Variants in EVI5 observed in about 807,000 individuals in gnomAD.
The protein encoded by EVI5 is ecotropic viral integration site 5 protein homolog.
EVI5 carries 73 observed loss-of-function variants against 112.0 expected under a neutral mutation model. That is an observed-to-expected ratio of 0.65 (90% CI 0.54 to 0.79). The LOEUF is 0.79. Ranked by LOEUF, EVI5 falls within the 30% of genes least tolerant of loss-of-function variation. EVI5 has a pLI of 0.00. For synonymous variants in EVI5, 305 were observed against 319.9 expected (o/e 0.95, Z 0.50); for missense variants, 900 against 968.8 (o/e 0.93, Z 0.94).
At chr1:92,558,087 A>T (rs183354274) in intron 19 of EVI5, among the ~76,000 whole-genome samples, 9 of 152,192 alleles carry the variant, frequency 5.9e-5, no homozygotes, top group Non-Finnish European at 1.3e-4. Context: ...AGGGAAGTTT[A>T]AAATCTGATT....
intron 9 of EVI5, among the ~76,000 whole-genome samples, chr1:92,686,679 T>G (rs1668584080): frequency 6.6e-6 from 1 of 152,218 alleles, no homozygotes; most frequent in Non-Finnish European, 1.5e-5. Flanking sequence ...CTTAAGCTGA[T>G]AAACAACTTC....
rs114225081 is a variant in EVI5, at chr1:92,562,588, A to G, written c.2166+1054T>C. On this transcript the variant is annotated intron_variant, in intron 19 of 19. Coordinates refer to ENST00000684568, the MANE Select transcript of EVI5 (RefSeq NM_001350197.2). ...GTAAAGATTATATGTAAGATCCTGA[A>G]TCCCTCATATGTTATCATGGCTGAA... Among the ~76,000 whole-genome samples the G allele has an allele frequency of 1.9e-3, 296 of 152,308 alleles. 1 individual carries two copies. Among genetic ancestry groups the G allele is most frequent in the Non-Finnish European group, 3.9e-3 (265 of 68,016 alleles).
At chr1:92,755,247 A>G (rs950000601) in intron 1 of EVI5, among the ~76,000 whole-genome samples, 4 of 151,908 alleles carry the variant, frequency 2.6e-5, no homozygotes, top group Non-Finnish European at 5.9e-5. Flanking sequence ...CGTCTCCACT[A>G]AAAAATATAA....
At chr1:92,587,521 T>C (rs535703290) in intron 18 of EVI5, among the ~76,000 whole-genome samples, 1 of 152,252 alleles carries the variant, frequency 6.6e-6, no homozygotes, top group African/African-American at 2.4e-5. Flanking sequence ...AAATATAATA[T>C]TTTTAAGTTA....
chr1:92,710,160 T>G (rs1558123783), intron 2 of EVI5, among the ~76,000 whole-genome samples: 1 of 138,746 alleles, frequency 7.2e-6, no homozygotes, highest in East Asian at 2.3e-4. Flanking sequence ...CTGGGCAACA[T>G]GGAGAAACCC....
rs370743618 is a variant in EVI5 at position 92,568,672 on chromosome 1, C to T, written c.2071-4935G>A. ...CAAATATGTGGACTTTCGTCTGCCT[C>T]TGCCACCCTGAGACAGCAAGACAAC... On this transcript the variant is annotated intron_variant, in intron 18 of 19. Coordinates refer to ENST00000684568, the MANE Select transcript of EVI5 (RefSeq NM_001350197.2). Among the ~76,000 whole-genome samples, 265 of 152,266 alleles carry T rather than the reference C, an allele frequency of 1.7e-3. 1 individual carries two copies. The South Asian group carries it at 0.023, about 13-fold the overall frequency.
intron 1 of EVI5, among the ~76,000 whole-genome samples, chr1:92,758,346 A>C (rs1681268369): frequency 6.6e-6 from 1 of 152,122 alleles, no homozygotes; most frequent in East Asian, 1.9e-4. Flanking sequence ...AAGCAGGTGG[A>C]TTGCTCGAGC....
At chr1:92,772,978 T>C (rs778455697) in intron 1 of EVI5, among the ~76,000 whole-genome samples, 16 of 145,578 alleles carry the variant, frequency 1.1e-4, no homozygotes, top group Non-Finnish European at 1.6e-4. Context: ...GAGCCCGAGG[T>C]GGGCAGATCA....
At chr1:92,696,844 C>CTAACTAAAACA (rs1670399273) in intron 6 of EVI5, among the ~76,000 whole-genome samples, 3 of 152,090 alleles carry the variant, frequency 2.0e-5, no homozygotes, top group Admixed American at 6.5e-5. Context: ...CGAGACCATC[C>CTAACTAAAACA]TGGCTAACAT....
intron 14 of EVI5, among the ~76,000 whole-genome samples, chr1:92,634,288 C>G (rs950974874): frequency 2.6e-5 from 4 of 152,152 alleles, no homozygotes. Flanking sequence ...CAACTTGGTT[C>G]CATTCTCCCC....
intron 2 of EVI5, among the ~76,000 whole-genome samples, chr1:92,709,508 T>C (rs1346542990): frequency 6.6e-6 from 1 of 152,198 alleles, no homozygotes; most frequent in African/African-American, 2.4e-5. Context: ...TTTGGGCATA[T>C]TTTATAAATA....
At chr1:92,700,293 T>C (rs1217133929) in intron 5 of EVI5, among the ~76,000 whole-genome samples, 1 of 152,230 alleles carries the variant, frequency 6.6e-6, no homozygotes, top group South Asian at 2.1e-4. Context: ...ATACAAAACA[T>C]ACATACTTCT....
At chr1:92,539,558 A>C (rs1664459398) in intron 19 of EVI5, among the ~76,000 whole-genome samples, 2 of 60,712 alleles carry the variant, frequency 3.3e-5, no homozygotes, top group South Asian at 9.7e-4. Flanking sequence ...AAAAAAAAAA[A>C]AAAAAAAATC....
At chr1:92,619,762 A>G (rs1654103234) in intron 16 of EVI5, among the ~76,000 whole-genome samples, 1 of 151,988 alleles carries the variant, frequency 6.6e-6, no homozygotes, top group Admixed American at 6.6e-5. Context: ...TTGAAAAAAA[A>G]AAAATTTTTT....
At chr1:92,641,293 A>T (rs1160024759) in intron 13 of EVI5, among the ~76,000 whole-genome samples, 3 of 152,220 alleles carry the variant, frequency 2.0e-5, no homozygotes, top group African/African-American at 7.2e-5. Context: ...TACCATTATA[A>T]ATCAATAACT....
intron 19 of EVI5, among the ~76,000 whole-genome samples, chr1:92,542,551 G>T (rs1210464051): frequency 6.6e-6 from 1 of 152,158 alleles, no homozygotes; most frequent in African/African-American, 2.4e-5. Flanking sequence ...CTTTGCGGAG[G>T]ATTTCAATTT....
intron 15 of EVI5, among the ~76,000 whole-genome samples, chr1:92,625,517 T>C (rs979055657): frequency 1.6e-4 from 24 of 152,188 alleles, no homozygotes; most frequent in African/African-American, 5.5e-4. Context: ...TAGAACACTT[T>C]CACAGTTTGC....
chr1:92,553,039 T>C (rs1012182363), intron 19 of EVI5, among the ~76,000 whole-genome samples: 2 of 152,254 alleles, frequency 1.3e-5, no homozygotes, highest in African/African-American at 2.4e-5. Context: ...ATAAAATGGG[T>C]AGAACACCAA....
At chr1:92,642,361 A>T (rs969946080) in intron 13 of EVI5, among the ~76,000 whole-genome samples, 1 of 152,232 alleles carries the variant, frequency 6.6e-6, no homozygotes, top group Non-Finnish European at 1.5e-5. Flanking sequence ...AAAACATTTT[A>T]TCTTTAGACT....
Sources: allele counts gnomAD v4.1 joint callset (sites outside exome capture counted in the v4.1 genomes callset), GRCh38; gene constraint gnomAD v4.1.1; transcripts MANE v1.5; gene names NCBI Gene and HGNC (gene_info 2026-07-23, HGNC 2026-07-21).